The following WWOX variants were observed in gnomAD, a reference collection of about 807,000 sequenced individuals.
The protein encoded by WWOX is WW domain containing oxidoreductase, also known as WW domain-containing oxidoreductase.
WWOX carries 69 observed loss-of-function variants against 46.2 expected under a neutral mutation model. The observed-to-expected ratio is 1.49, with a 90% CI of 1.23 to 1.82. WWOX has a LOEUF of 1.82. Ranked by LOEUF, WWOX falls within the 40% of genes most tolerant of loss-of-function variation. The pLI is 0.00. For synonymous variants in WWOX, 359 were observed against 202.6 expected (o/e 1.77, Z -6.56); for missense variants, 919 against 542.6 (o/e 1.69, Z -6.89).
At chr16:78,757,338 C>T (rs1031709373) in intron 8 of WWOX, among the ~76,000 whole-genome samples, 2 of 151,982 alleles carry the variant, frequency 1.3e-5, no homozygotes, top group Non-Finnish European at 2.9e-5. Context: ...CCCAGCACCC[C>T]AGCACCCCAG....
chr16:78,112,703 C>G (rs1032573817), intron 3 of WWOX, among the ~76,000 whole-genome samples: 1 of 114,258 alleles, frequency 8.8e-6, no homozygotes, highest in East Asian at 2.7e-4. Flanking sequence ...AGTTTTCTTT[C>G]TTTTTTTTTT....
At chr16:78,589,240 G>C (rs780165520) in intron 8 of WWOX, among the ~76,000 whole-genome samples, 3 of 152,208 alleles carry the variant, frequency 2.0e-5, no homozygotes, top group Admixed American at 6.5e-5. Flanking sequence ...AACAGAGGGA[G>C]AAGGATAGAG....
At chr16:78,402,599 C>G (rs2082439397) in intron 6 of WWOX, among the ~76,000 whole-genome samples, 1 of 152,116 alleles carries the variant, frequency 6.6e-6, no homozygotes, top group South Asian at 2.1e-4. Flanking sequence ...GGAGAGTTCC[C>G]TGGGACGTGC....
chr16:78,782,799 T>A (rs1029009352), intron 8 of WWOX, among the ~76,000 whole-genome samples: 22 of 152,134 alleles, frequency 1.4e-4, no homozygotes, highest in African/African-American at 4.8e-4. Context: ...ATGCAATCAA[T>A]CATTGATAAG....
At chr16:79,117,726 G>A (rs1001662201) in intron 8 of WWOX, among the ~76,000 whole-genome samples, 2 of 152,230 alleles carry the variant, frequency 1.3e-5, no homozygotes, top group African/African-American at 4.8e-5. Context: ...ATCAGCACTT[G>A]CTGCTTCATG....
intron 6 of WWOX, among the ~76,000 whole-genome samples, chr16:78,389,558 T>C (rs9933134): frequency 0.77 from 117,157 of 152,014 alleles, 45,997 homozygotes; most frequent in Non-Finnish European, 0.86. Context: ...TTTGCATGTA[T>C]GTTTTGATTC....
chr16:78,553,734 G>C (rs1281853588), intron 8 of WWOX, among the ~76,000 whole-genome samples: 2 of 152,084 alleles, frequency 1.3e-5, no homozygotes, highest in African/African-American at 4.8e-5. Flanking sequence ...GCCTGGGAGA[G>C]ACAGCAGGGT....
intron 5 of WWOX, among the ~76,000 whole-genome samples, chr16:78,306,920 C>T (rs2080145123): frequency 6.6e-6 from 1 of 152,198 alleles, no homozygotes; most frequent in African/African-American, 2.4e-5. Context: ...GAGTAGTCTG[C>T]CCACTCTCCT....
chr16:78,489,553 C>G (rs747130249), intron 8 of WWOX, among the ~76,000 whole-genome samples: 20 of 152,172 alleles, frequency 1.3e-4, no homozygotes, highest in Non-Finnish European at 2.6e-4. Context: ...ATGTACGTAA[C>G]ACAAATGTTA....
At chr16:78,644,211 ACT>A (rs992131249) in intron 8 of WWOX, among the ~76,000 whole-genome samples, 6 of 151,476 alleles carry the variant, frequency 4.0e-5, no homozygotes, top group African/African-American at 1.5e-4. Context: ...AACGAGCGAA[ACT>A]CTGTCTCAAA....
At chr16:78,662,015 G>A (rs1193450679) in intron 8 of WWOX, among the ~76,000 whole-genome samples, 1 of 152,206 alleles carries the variant, frequency 6.6e-6, no homozygotes, top group East Asian at 1.9e-4. Context: ...CTGCACTCCA[G>A]CCTGGATGAT....
At chr16:78,927,788 T>G (rs1567655017) in intron 8 of WWOX, among the ~76,000 whole-genome samples, 2 of 152,228 alleles carry the variant, frequency 1.3e-5, no homozygotes, top group African/African-American at 4.8e-5. Flanking sequence ...TTTGCCTGTG[T>G]ATCCTTGAAT....
At chr16:78,468,395 C>G (rs144236508) in intron 8 of WWOX, among the ~76,000 whole-genome samples, 2 of 151,648 alleles carry the variant, frequency 1.3e-5, no homozygotes, top group African/African-American at 2.4e-5. Context: ...ATTGTTGCAA[C>G]GGCAAAAAAG....
intron 8 of WWOX, among the ~76,000 whole-genome samples, chr16:78,679,840 A>C (rs2047688420): frequency 6.6e-6 from 1 of 152,218 alleles, no homozygotes; most frequent in Non-Finnish European, 1.5e-5. Flanking sequence ...CAACTGTTTT[A>C]GGGGCCATGC....
chr16:78,551,648 C>G (rs1233243258), intron 8 of WWOX: 1 of 149,382 alleles, frequency 6.7e-6, no homozygotes, highest in African/African-American at 2.6e-5. Flanking sequence ...GCCACTGCCC[C>G]CGCCCCACCT....
chr16:78,242,470 C>G (rs942275729), intron 5 of WWOX, among the ~76,000 whole-genome samples: 3 of 152,176 alleles, frequency 2.0e-5, no homozygotes, highest in African/African-American at 4.8e-5. Flanking sequence ...AATTCTCTCT[C>G]CACACATTTC....
intron 8 of WWOX, among the ~76,000 whole-genome samples, chr16:78,663,543 CTATTA>C (rs1477600980): frequency 6.6e-6 from 1 of 152,128 alleles, no homozygotes; most frequent in Admixed American, 6.5e-5. Flanking sequence ...CTTCTGATTT[CTATTA>C]TGAGTAATGC....
At chr16:78,781,362 A>T (rs868616569) in intron 8 of WWOX, among the ~76,000 whole-genome samples, 2 of 152,050 alleles carry the variant, frequency 1.3e-5, no homozygotes, top group African/African-American at 4.8e-5. Context: ...TCTGCACCCC[A>T]CCTTGCTATC....
At chr16:78,353,991 C>G (rs982527548) in intron 5 of WWOX, among the ~76,000 whole-genome samples, 1 of 152,206 alleles carries the variant, frequency 6.6e-6, no homozygotes, top group African/African-American at 2.4e-5. Flanking sequence ...CATGCTTTCT[C>G]TCTTTCCAGA....
Sources: gnomAD v4.1 joint callset for allele counts (sites outside exome capture counted in the v4.1 genomes callset) on GRCh38, gnomAD v4.1.1 for gene constraint, MANE v1.5 for transcripts, NCBI Gene and HGNC (gene_info 2026-07-23, HGNC 2026-07-21) for gene names.